Variants in DPP10 observed in about 807,000 individuals in gnomAD.
DPP10 encodes inactive dipeptidyl peptidase 10.
A neutral mutation model predicts 120.9 loss-of-function variants in DPP10; 33 were observed. The observed-to-expected ratio is 0.27, with a 90% CI of 0.21 to 0.37. The LOEUF is 0.37. Among genes scored for constraint, DPP10 ranks in the 10% least tolerant of loss-of-function variants. The pLI is 1.00. For synonymous variants in DPP10, 337 were observed against 326.1 expected, an observed-to-expected ratio of 1.03 and a Z score of -0.36; for missense variants, 816 against 942.8, an observed-to-expected ratio of 0.87 and a Z score of 1.76.
intron 1 of DPP10, among the ~76,000 whole-genome samples, chr2:115,145,719 C>T (rs1211667052): frequency 6.6e-6 from 1 of 152,126 alleles, no homozygotes; most frequent in Non-Finnish European, 1.5e-5. Context: ...TTTGTAAGAA[C>T]TGTCAAACCA....
At chr2:115,522,499 T>C (rs2077872981) in intron 4 of DPP10, among the ~76,000 whole-genome samples, 2 of 152,242 alleles carry the variant, frequency 1.3e-5, no homozygotes, top group South Asian at 4.1e-4. Flanking sequence ...CACCACCAAA[T>C]GTTCCCAAGC....
At chr2:115,265,987 G>A (rs1053314354) in intron 1 of DPP10, among the ~76,000 whole-genome samples, 8 of 151,562 alleles carry the variant, frequency 5.3e-5, no homozygotes, top group Admixed American at 4.0e-4. Flanking sequence ...AGCTTATTTT[G>A]GCTAAAATGT....
At chr2:114,930,228 T>C (rs1305776222) in intron 1 of DPP10, among the ~76,000 whole-genome samples, 3 of 152,212 alleles carry the variant, frequency 2.0e-5, no homozygotes, top group Non-Finnish European at 4.4e-5. Context: ...CCCTTGGATT[T>C]CTCTCCTTAA....
chr2:114,530,477 G>A (rs1316778398), intron 1 of DPP10, among the ~76,000 whole-genome samples: 1 of 152,128 alleles, frequency 6.6e-6, no homozygotes, highest in Non-Finnish European at 1.5e-5. Context: ...AAACTGACTT[G>A]AGGAGTTTGG....
At chr2:114,717,020 C>T (rs1701393056) in intron 1 of DPP10, among the ~76,000 whole-genome samples, 1 of 152,234 alleles carries the variant, frequency 6.6e-6, no homozygotes, top group South Asian at 2.1e-4. Context: ...AGAGCCAGTG[C>T]TGCCTGTGCC....
At chr2:115,680,908 G>A (rs187339746) in intron 5 of DPP10, among the ~76,000 whole-genome samples, 126 of 151,984 alleles carry the variant, frequency 8.3e-4, no homozygotes, top group African/African-American at 3.0e-3. Context: ...TGATATATAA[G>A]TTATGAATGA....
chr2:114,459,334 T>C (rs1434719884), intron 1 of DPP10, among the ~76,000 whole-genome samples: 1 of 152,168 alleles, frequency 6.6e-6, no homozygotes, highest in Admixed American at 6.5e-5. Flanking sequence ...GGGTCCTAAA[T>C]TGGTACTACC....
intron 5 of DPP10, among the ~76,000 whole-genome samples, chr2:115,581,565 A>G (rs1339905767): frequency 1.3e-5 from 2 of 152,128 alleles, no homozygotes; most frequent in Non-Finnish European, 2.9e-5. Context: ...ACTCTTCTAA[A>G]TAAATAAACC....
At chr2:114,624,644 A>G (rs950046678) in intron 1 of DPP10, among the ~76,000 whole-genome samples, 2 of 151,968 alleles carry the variant, frequency 1.3e-5, no homozygotes, top group Non-Finnish European at 2.9e-5. Context: ...TTCTATATAT[A>G]TGGTGATAAG....
intron 1 of DPP10, among the ~76,000 whole-genome samples, chr2:114,890,799 G>A (rs1314636006): frequency 6.6e-6 from 1 of 152,132 alleles, no homozygotes; most frequent in Non-Finnish European, 1.5e-5. Context: ...TTTAGAGCAC[G>A]GTAGCAGGGT....
intron 21 of DPP10, among the ~76,000 whole-genome samples, chr2:115,825,211 G>A (rs1211795800): frequency 6.6e-6 from 1 of 152,136 alleles, no homozygotes; most frequent in Non-Finnish European, 1.5e-5. Context: ...TTCTACCTCA[G>A]TGTCTTTGTT....
chr2:115,374,631 A>T (rs2065653063), intron 3 of DPP10, among the ~76,000 whole-genome samples: 1 of 152,212 alleles, frequency 6.6e-6, no homozygotes, highest in Non-Finnish European at 1.5e-5. Flanking sequence ...CCGCACATGC[A>T]GCATACTTCT....
chr2:115,090,559 T>C (rs906170519), intron 1 of DPP10, among the ~76,000 whole-genome samples: 1 of 152,168 alleles, frequency 6.6e-6, no homozygotes, highest in African/African-American at 2.4e-5. Context: ...TTCTCCAACT[T>C]AGGGGCATTG....
intron 7 of DPP10, among the ~76,000 whole-genome samples, chr2:115,700,266 G>A (rs1008781290): frequency 1.3e-5 from 2 of 152,062 alleles, no homozygotes; most frequent in African/African-American, 4.8e-5. Flanking sequence ...CATGAGATTT[G>A]AGTGAGGACA....
At chr2:114,905,417 A>G (rs1285985080) in intron 1 of DPP10, among the ~76,000 whole-genome samples, 2 of 152,092 alleles carry the variant, frequency 1.3e-5, no homozygotes, top group Non-Finnish European at 2.9e-5. Flanking sequence ...ATTCCTAAGT[A>G]TTTTATTCTT....
intron 7 of DPP10, among the ~76,000 whole-genome samples, chr2:115,704,413 ACC>A (rs1287425895): frequency 6.6e-6 from 1 of 151,852 alleles, no homozygotes; most frequent in Admixed American, 6.6e-5. Flanking sequence ...GTTATCTTCT[ACC>A]ACTAACTGAG....
intron 1 of DPP10, among the ~76,000 whole-genome samples, chr2:114,801,559 C>T (rs1012410546): frequency 3.3e-5 from 5 of 152,110 alleles, no homozygotes; most frequent in African/African-American, 9.7e-5. Flanking sequence ...GGAAGGATAA[C>T]GTCTGCATCA....
chr2:115,176,523 A>G (rs1056730368), intron 1 of DPP10, among the ~76,000 whole-genome samples: 9 of 152,054 alleles, frequency 5.9e-5, no homozygotes, highest in African/African-American at 2.2e-4. Context: ...TTTTGATCAC[A>G]TACAGTCATA....
At chr2:115,315,033 G>A (rs74865758) in intron 2 of DPP10, among the ~76,000 whole-genome samples, 4,966 of 152,180 alleles carry the variant, frequency 0.033, 162 homozygotes, top group African/African-American at 0.09. Context: ...AGATTTGGAT[G>A]ACTTCAGCAG....
Sources: gnomAD v4.1 joint callset for allele counts (sites outside exome capture counted in the v4.1 genomes callset) on GRCh38, gnomAD v4.1.1 for gene constraint, MANE v1.5 for transcripts, NCBI Gene and HGNC (gene_info 2026-07-23, HGNC 2026-07-21) for gene names.